The following CYP2S1 variants were observed in gnomAD, a reference collection of about 807,000 sequenced individuals.
CYP2S1 encodes the protein cytochrome P450 2S1.
A neutral mutation model predicts 43.5 loss-of-function variants in CYP2S1; 32 were observed. The ratio of observed to expected loss-of-function variants is 0.74; its 90% CI spans 0.56 to 0.99. CYP2S1 has a LOEUF of 0.99. Among genes scored for constraint, CYP2S1 ranks in the 50% least tolerant of loss-of-function variants. CYP2S1 has a pLI of 0.00. For synonymous variants in CYP2S1, 283 were observed against 302.9 expected (o/e 0.93, Z 0.68); for missense variants, 575 against 673.9 (o/e 0.85, Z 1.62).
intron 5 of CYP2S1, among the ~76,000 whole-genome samples, chr19:41,199,978 AAAAAAAAG>A (rs1248021189): frequency 6.6e-6 from 1 of 151,672 alleles, no homozygotes; most frequent in East Asian, 1.9e-4. Context: ...CTCAAAAAAA[AAAAAAAAG>A]AAAAAAAGAA....
intron 8 of CYP2S1, 78 bp from the exon 9 acceptor site, chr19:41,206,202 C>T: frequency 6.2e-7 from 1 of 1,610,238 alleles, no homozygotes. Context: ...CTGTTGGCTC[C>T]TCCACCTGCT....
chr19:41,194,524 T>G lies in CYP2S1; in HGVS notation c.178-20T>G. 1 of 1,557,750 alleles carries G rather than the reference T, an allele frequency of 6.4e-7. No individual in the cohort carries two copies. Among genetic ancestry groups the G allele is most frequent in the Non-Finnish European group, 8.6e-7 (1 of 1,156,368 alleles). ...CGAAGAGGTCACAGCACCCTCCTCT[T>G]TCTTCCTCCCTACCCCCAGCTGAGT... On this transcript the variant is annotated intron_variant, in intron 1 of 8. Transcript: ENST00000310054.
At chr19:41,199,503 C>T (rs955251804) in intron 5 of CYP2S1, among the ~76,000 whole-genome samples, 3 of 151,806 alleles carry the variant, frequency 2.0e-5, no homozygotes, top group African/African-American at 7.3e-5. Flanking sequence ...GCCTCGGGCT[C>T]CTGAGTAGCT....
chr19:41,195,607 A>G (rs1478090982), intron 2 of CYP2S1, among the ~76,000 whole-genome samples: 3 of 152,094 alleles, frequency 2.0e-5, no homozygotes, highest in Non-Finnish European at 4.4e-5. Context: ...CTGACCCGGC[A>G]TGTTTGGTGA....
chr19:41,205,317 AT>A (rs2033548247), intron 7 of CYP2S1, among the ~76,000 whole-genome samples: 1 of 132,128 alleles, frequency 7.6e-6, no homozygotes, highest in African/African-American at 2.6e-5. Context: ...CTTAACTACT[AT>A]TCTTTGCCTT....
chr19:41,194,454 G>A (rs372840068), intron 1 of CYP2S1, 90 bp from the exon 2 acceptor site: 20 of 1,443,928 alleles, frequency 1.4e-5, no homozygotes, highest in Non-Finnish European at 1.6e-5. Context: ...AGCTAGACCC[G>A]GTGGCTCCTC....
chr19:41,204,592 C>CTTT (rs553640679), intron 7 of CYP2S1, among the ~76,000 whole-genome samples: 23 of 109,010 alleles, frequency 2.1e-4, no homozygotes, highest in Non-Finnish European at 3.2e-4. Context: ...TCTTCTTCTT[C>CTTT]TTTTTTTTTT....
At chr19:41,205,441 TTTTC>T (rs1018081489) in intron 7 of CYP2S1, among the ~76,000 whole-genome samples, 12 of 106,214 alleles carry the variant, frequency 1.1e-4, no homozygotes, top group Non-Finnish European at 1.9e-4. Flanking sequence ...TCTTTCTTTC[TTTTC>T]TTTTTCTTTC....
At chr19:41,197,556 C>T (rs1048212980) in intron 2 of CYP2S1, among the ~76,000 whole-genome samples, 4 of 151,784 alleles carry the variant, frequency 2.6e-5, no homozygotes, top group Non-Finnish European at 5.9e-5. Flanking sequence ...AAAAATGAGC[C>T]AGGCATGGTG....
chr19:41,203,745 C>T, intron 7 of CYP2S1, 108 bp downstream of exon 7: 3 of 1,114,830 alleles, frequency 2.7e-6, no homozygotes, highest in Admixed American at 3.3e-5. Flanking sequence ...GTGTCTCTCT[C>T]TCTCTCTCTC....
intron 6 of CYP2S1, 139 bp from the exon 7 acceptor site, chr19:41,203,311 G>A: frequency 1.3e-6 from 1 of 774,862 alleles, no homozygotes; most frequent in Non-Finnish European, 1.9e-6. Flanking sequence ...TGGTCTTTGG[G>A]CTCAGTGAGG....
chr19:41,204,648 A>G (rs1405752815), intron 7 of CYP2S1, among the ~76,000 whole-genome samples: 3 of 126,086 alleles, frequency 2.4e-5, no homozygotes, highest in Non-Finnish European at 4.7e-5. Context: ...CCCAGGCTGG[A>G]GTGCACTGGC....
intron 1 of CYP2S1, 28 bp downstream of exon 1, chr19:41,193,469 A>C: frequency 7.1e-7 from 1 of 1,403,848 alleles, no homozygotes; most frequent in South Asian, 1.6e-5. Context: ...CGTCCTGGCT[A>C]GGGGTGGGAG....
rs141049230 is a variant in CYP2S1, at chr19:41,197,868, G to A, written c.433G>A (p.Gly145Ser). The A allele has an allele frequency of 5.0e-6, 8 of 1,614,148 alleles. No homozygotes were observed. The East Asian group carries it at 1.6e-4, about 31-fold the overall frequency. ...LRDLGMGKREGEELIQAEARC... is the reference protein window; with the variant it reads ...LRDLGMGKRESEELIQAEARC... Reference sequence around the variant, plus strand: ...GGACCTGGGCATGGGGAAGCGAGAAGGCGAGGAGCTGATCCAGGCGGAGGC... The same window carrying A: ...GGACCTGGGCATGGGGAAGCGAGAAAGCGAGGAGCTGATCCAGGCGGAGGC... The change falls in exon 3 of 9, where the codon GGC becomes AGC. Residue 145 changes from glycine (G) to serine (S), a missense_variant. Physicochemically the swap from Gly to Ser is moderately conservative, Grantham distance 56 (BLOSUM62 0). Transcript: ENST00000310054.
At chr19:41,200,620 C>A (rs1452545477) in intron 5 of CYP2S1, among the ~76,000 whole-genome samples, 1 of 152,094 alleles carries the variant, frequency 6.6e-6, no homozygotes, top group Admixed American at 6.6e-5. Context: ...GTGATCCACC[C>A]GCCTCGGCCT....
At chr19:41,195,405 G>C (rs141727697) in intron 2 of CYP2S1, among the ~76,000 whole-genome samples, 1 of 152,112 alleles carries the variant, frequency 6.6e-6, no homozygotes, top group Non-Finnish European at 1.5e-5. Flanking sequence ...AGACAGCACC[G>C]GTGCTGCTTC....
At chr19:41,205,833 A>T (rs2033568315) in intron 7 of CYP2S1, 125 bp from the exon 8 acceptor site, 1 of 1,279,884 alleles carries the variant, frequency 7.8e-7, no homozygotes, top group Admixed American at 2.5e-5. Flanking sequence ...AACACTCCAC[A>T]AATGTTGATG....
intron 7 of CYP2S1, among the ~76,000 whole-genome samples, chr19:41,205,334 C>CTTTCTTTT (rs1555727544): frequency 9.9e-6 from 1 of 101,076 alleles, no homozygotes; most frequent in Non-Finnish European, 1.9e-5. Context: ...GCCTTTCTTT[C>CTTTCTTTT]TTTCTTTTTT....
At chr19:41,201,444 G>A (rs1024422046) in intron 6 of CYP2S1, 72 bp downstream of exon 6, 3 of 1,550,504 alleles carry the variant, frequency 1.9e-6, no homozygotes, top group Non-Finnish European at 1.7e-6. Flanking sequence ...GGTGGCTCAC[G>A]CCTATAATCC....
Sources: allele counts gnomAD v4.1 joint callset (sites outside exome capture counted in the v4.1 genomes callset), GRCh38; gene constraint gnomAD v4.1.1; transcripts MANE v1.5; gene names NCBI Gene and HGNC (gene_info 2026-07-23, HGNC 2026-07-21).